LRRC37A2: variants seen among roughly 807,000 people sequenced by gnomAD.
LRRC37A2 encodes leucine rich repeat containing 37 member A2.
In LRRC37A2, 9 loss-of-function variants were observed where a neutral mutation model predicts 68.8. The observed-to-expected ratio is 0.13, with a 90% confidence interval of 0.08 to 0.23. The LOEUF (loss-of-function observed/expected upper bound fraction) is 0.23. LRRC37A2 is among the 10% of genes least tolerant of loss of function. The probability of loss-of-function intolerance (pLI) is 1.00; values close to 1 mark genes in which losing one functional copy is unlikely to be tolerated. For missense variants in LRRC37A2, 168 were observed against 950.4 expected (o/e 0.18, Z 10.82); for synonymous variants, 63 against 367.6 (o/e 0.17, Z 9.48).
At chr17:46,783,091 A>G in the LRRC37A2 span, among the ~76,000 whole-genome samples, 2 of 152,124 alleles carry the variant, frequency 1.3e-5, no homozygotes, top group East Asian at 1.9e-4. Context: ...CATTCTCTCA[A>G]CGGGGCCCTC....
the LRRC37A2 span, among the ~76,000 whole-genome samples, chr17:47,000,074 T>TAAAATA: frequency 1.7e-4 from 11 of 64,478 alleles, no homozygotes; most frequent in Admixed American, 6.2e-4. Flanking sequence ...TAAAATAAAA[T>TAAAATA]AAAAAATAAA....
chr17:47,030,415 G>A, the LRRC37A2 span, among the ~76,000 whole-genome samples: 186 of 142,846 alleles, frequency 1.3e-3, no homozygotes, highest in Non-Finnish European at 2.0e-3. Context: ...GACAAGGAGA[G>A]GACAAAGCAG....
the LRRC37A2 span, among the ~76,000 whole-genome samples, chr17:46,928,356 G>A: frequency 5.3e-5 from 8 of 152,300 alleles, no homozygotes; most frequent in East Asian, 1.9e-4. Context: ...CATTGCTCAC[G>A]ATGCAGAATG....
chr17:46,824,633 A>G, the LRRC37A2 span, among the ~76,000 whole-genome samples: 1 of 151,960 alleles, frequency 6.6e-6, no homozygotes, highest in Admixed American at 6.6e-5. Context: ...CCACAAAGAA[A>G]CTCCCTCCAC....
the LRRC37A2 span, among the ~76,000 whole-genome samples, chr17:47,040,788 G>T: frequency 5.1e-5 from 1 of 19,632 alleles, no homozygotes; most frequent in Non-Finnish European, 1.4e-4. Context: ...GAGAGTTTAT[G>T]AACTTAGTAG....
At chr17:46,721,857 G>A in the LRRC37A2 span, 2 of 1,580,970 alleles carry the variant, frequency 1.3e-6, no homozygotes. Context: ...TTTCGAGTTG[G>A]CTTAGGCAGA....
At chr17:46,752,547 G>A in the LRRC37A2 span, among the ~76,000 whole-genome samples, 1 of 152,164 alleles carries the variant, frequency 6.6e-6, no homozygotes, top group East Asian at 1.9e-4. Context: ...TTTTGACCTC[G>A]CAGGCTCAGG....
At chr17:47,033,857 A>G in the LRRC37A2 span, among the ~76,000 whole-genome samples, 6 of 152,276 alleles carry the variant, frequency 3.9e-5, no homozygotes, top group African/African-American at 9.6e-5. Flanking sequence ...TAATAAAATT[A>G]TTTAGAGCAG....
the LRRC37A2 span, chr17:46,876,169 G>T: frequency 7.3e-7 from 1 of 1,372,400 alleles, no homozygotes; most frequent in Non-Finnish European, 9.9e-7. Context: ...GCCCTGCTGG[G>T]GTTGGTGCTC....
At chr17:46,862,744 G>A in the LRRC37A2 span, among the ~76,000 whole-genome samples, 2 of 152,004 alleles carry the variant, frequency 1.3e-5, no homozygotes, top group Admixed American at 6.6e-5. Flanking sequence ...CACCACACCT[G>A]GCTAATTTTT....
At chr17:46,896,638 G>A in the LRRC37A2 span, among the ~76,000 whole-genome samples, 3 of 152,032 alleles carry the variant, frequency 2.0e-5, no homozygotes, top group Non-Finnish European at 2.9e-5. Flanking sequence ...CAAGGTTAGC[G>A]CACAGGTCAT....
chr17:46,923,983 T>C, the LRRC37A2 span: 1 of 397,540 alleles, frequency 2.5e-6, no homozygotes, highest in African/African-American at 2.1e-5. Context: ...TTGTAAAATA[T>C]ACACAACATA....
At chr17:46,781,539 T>C in the LRRC37A2 span, among the ~76,000 whole-genome samples, 1 of 152,074 alleles carries the variant, frequency 6.6e-6, no homozygotes, top group Non-Finnish European at 1.5e-5. Flanking sequence ...ATGAGGTGTC[T>C]AGGTAAATTC....
chr17:46,874,865 A>C, the LRRC37A2 span: 3 of 656,658 alleles, frequency 4.6e-6, no homozygotes, highest in Admixed American at 7.2e-5. Flanking sequence ...GGCACGAGCC[A>C]CTGTGCCCAG....
chr17:46,966,591 C>G, the LRRC37A2 span: 31 of 690,604 alleles, frequency 4.5e-5, no homozygotes, highest in Admixed American at 6.3e-4. Flanking sequence ...TCAAGAGATC[C>G]TCCTGCATCA....
At chr17:46,891,377 A>G in the LRRC37A2 span, among the ~76,000 whole-genome samples, 1 of 152,156 alleles carries the variant, frequency 6.6e-6, no homozygotes, top group Non-Finnish European at 1.5e-5. Context: ...TGCCAAGGTC[A>G]CAGATGGAAG....
At chr17:46,761,747 A>C in the LRRC37A2 span, among the ~76,000 whole-genome samples, 1 of 152,372 alleles carries the variant, frequency 6.6e-6, no homozygotes, top group East Asian at 1.9e-4. Context: ...TGTGCTGAAT[A>C]AACCAAAGGT....
chr17:46,903,672 C>G, the LRRC37A2 span, among the ~76,000 whole-genome samples: 1 of 151,694 alleles, frequency 6.6e-6, no homozygotes, highest in South Asian at 2.1e-4. Flanking sequence ...AGGTGCTCAA[C>G]AGGTGGGCGG....
the LRRC37A2 span, among the ~76,000 whole-genome samples, chr17:46,746,166 ATGTC>A: frequency 1.3e-5 from 2 of 152,204 alleles, no homozygotes; most frequent in Admixed American, 1.3e-4. Context: ...AACTTGGTAA[ATGTC>A]TGATGATAAG....
Sources: allele counts gnomAD v4.1 joint callset (sites outside exome capture counted in the v4.1 genomes callset), GRCh38; gene constraint gnomAD v4.1.1; transcripts MANE v1.5; gene names NCBI Gene and HGNC (gene_info 2026-07-23, HGNC 2026-07-21).